The following ZNHIT6 variants were observed in gnomAD, a reference collection of about 807,000 sequenced individuals.
The protein encoded by ZNHIT6 is box C/D snoRNA protein 1.
A neutral mutation model predicts 57.2 loss-of-function variants in ZNHIT6; 45 were observed. The observed-to-expected ratio is 0.79, with a 90% CI of 0.62 to 1.01. ZNHIT6 has a LOEUF of 1.01. Among genes scored for constraint, ZNHIT6 ranks in the 50% least tolerant of loss-of-function variants. The pLI is 0.00. For missense variants in ZNHIT6, 528 were observed against 567.3 expected (o/e 0.93, Z 0.70); for synonymous variants, 188 against 190.0 (o/e 0.99, Z 0.09).
At chr1:85,655,204 T>C (rs1026087428) in intron 9 of ZNHIT6, among the ~76,000 whole-genome samples, 1 of 152,224 alleles carries the variant, frequency 6.6e-6, no homozygotes, top group African/African-American at 2.4e-5. Flanking sequence ...GTCTCTGTAC[T>C]TCAGGTAAAC....
intron 8 of ZNHIT6, among the ~76,000 whole-genome samples, chr1:85,676,694 A>G (rs567468602): frequency 6.6e-6 from 1 of 152,360 alleles, no homozygotes; most frequent in East Asian, 1.9e-4. Context: ...GTCAGAACAC[A>G]CACATTTAAG....
intron 6 of ZNHIT6, among the ~76,000 whole-genome samples, chr1:85,679,413 A>G (rs1273573189): frequency 6.6e-6 from 1 of 152,164 alleles, no homozygotes; most frequent in Non-Finnish European, 1.5e-5. Flanking sequence ...ATGCAACTCC[A>G]AATAACAAAG....
intron 8 of ZNHIT6, among the ~76,000 whole-genome samples, chr1:85,662,283 A>G (rs1165062277): frequency 6.6e-6 from 1 of 152,104 alleles, no homozygotes; most frequent in Non-Finnish European, 1.5e-5. Flanking sequence ...ACCTGCTAAA[A>G]AATACCAAAA....
At chr1:85,679,746 A>C (rs944252076) in intron 6 of ZNHIT6, among the ~76,000 whole-genome samples, 4 of 151,786 alleles carry the variant, frequency 2.6e-5, no homozygotes, top group African/African-American at 9.7e-5. Flanking sequence ...CACTTCCCCC[A>C]GCTAATTTTT....
intron 8 of ZNHIT6, among the ~76,000 whole-genome samples, chr1:85,662,256 G>T (rs1661247068): frequency 6.6e-6 from 1 of 151,318 alleles, no homozygotes; most frequent in East Asian, 1.9e-4. Flanking sequence ...GACACTCCAT[G>T]GATCATCGCC....
rs532089240 is a variant in ZNHIT6, at chr1:85,691,526, T to C, written c.1020-10622A>G. Among the ~76,000 whole-genome samples, 439 of 152,334 alleles carry C rather than the reference T, an allele frequency of 2.9e-3. 2 individuals carry two copies. The highest frequency in any genetic ancestry group is 9.8e-3 in the African/African-American group (406 of 41,588). On this transcript the variant is annotated intron_variant, in intron 5 of 9. Coordinates refer to ENST00000370574, the MANE Select transcript of ZNHIT6 (RefSeq NM_017953.4). ...GCCAATTGAGATATCTCTGAGCTAA[T>C]GACTTTTGTGGGCACAGAAGCTTAA...
At chr1:85,657,786 A>G (rs1661101938) in intron 9 of ZNHIT6, 61 bp downstream of exon 9, 1 of 1,489,950 alleles carries the variant, frequency 6.7e-7, no homozygotes, top group Admixed American at 1.9e-5. Flanking sequence ...AAGGGTGGAC[A>G]TATTTTGCTT....
At chr1:85,684,130 C>T (rs1661958473) in intron 5 of ZNHIT6, among the ~76,000 whole-genome samples, 1 of 152,156 alleles carries the variant, frequency 6.6e-6, no homozygotes, top group Admixed American at 6.5e-5. Context: ...TATCAACGTT[C>T]TCAAAAATGG....
At chr1:85,677,052 A>G (rs542810351) in intron 8 of ZNHIT6, among the ~76,000 whole-genome samples, 184 bp downstream of exon 8, 1 of 152,332 alleles carries the variant, frequency 6.6e-6, no homozygotes, top group East Asian at 1.9e-4. Context: ...TATTCTAACC[A>G]GGGTGATTTT....
At chr1:85,656,955 T>C (rs1661076734) in intron 9 of ZNHIT6, among the ~76,000 whole-genome samples, 1 of 152,178 alleles carries the variant, frequency 6.6e-6, no homozygotes, top group Admixed American at 6.5e-5. Context: ...TTTCAAATAC[T>C]ACTTAAAAAA....
At chr1:85,698,097 G>A (rs2100712789) in intron 5 of ZNHIT6, among the ~76,000 whole-genome samples, 1 of 152,054 alleles carries the variant, frequency 6.6e-6, no homozygotes, top group East Asian at 1.9e-4. Flanking sequence ...ACCTTGCTTG[G>A]GCTCAACTTA....
intron 8 of ZNHIT6, among the ~76,000 whole-genome samples, chr1:85,660,739 T>C (rs1002502008): frequency 6.6e-5 from 10 of 152,118 alleles, no homozygotes; most frequent in African/African-American, 2.4e-4. Flanking sequence ...ACTGTAATGA[T>C]TATACTTAAA....
intron 4 of ZNHIT6, among the ~76,000 whole-genome samples, chr1:85,702,998 A>G (rs1662579952): frequency 6.6e-6 from 1 of 152,236 alleles, no homozygotes; most frequent in African/African-American, 2.4e-5. Flanking sequence ...CAATGTAAAC[A>G]GTCAGAATCA....
chr1:85,660,193 A>T (rs182592015), intron 8 of ZNHIT6, among the ~76,000 whole-genome samples: 105 of 152,340 alleles, frequency 6.9e-4, no homozygotes, highest in Non-Finnish European at 1.2e-3. Context: ...TACAAAGTAA[A>T]ATATAAAATG....
Position 85,708,011 on chromosome 1 carries a change from A to G in ZNHIT6, c.274T>C (p.Leu92=). The G allele has an allele frequency of 6.2e-7, 1 of 1,613,974 alleles. No individual in the cohort carries two copies. Among genetic ancestry groups the G allele is most frequent in the Non-Finnish European group, 8.5e-7 (1 of 1,179,994 alleles). Residue 92 remains leucine (L), a synonymous_variant, in exon 1 of 10, where the codon TTG becomes CTG. Transcript: ENST00000370574. ...TCCTGTTCTACCCACTGGCCAGCCA[A>G]CCTGCCTTCTGTACCTGGCCAGTCT... is the stretch of plus-strand genomic sequence containing the variant. ...IIDWPGTEGR[L]AGQWVEQEVE...
chr1:85,658,332 G>A (rs1306986799), intron 8 of ZNHIT6, among the ~76,000 whole-genome samples: 3 of 152,044 alleles, frequency 2.0e-5, no homozygotes, highest in Non-Finnish European at 2.9e-5. Context: ...AGGCTCAAGC[G>A]ATTCTCCTGC....
chr1:85,666,623 T>A (rs1485787953), intron 8 of ZNHIT6, among the ~76,000 whole-genome samples: 8 of 152,154 alleles, frequency 5.3e-5, no homozygotes, highest in Non-Finnish European at 1.2e-4. Flanking sequence ...CTCACCGAAC[T>A]GTGCCAACTA....
rs1570305308 is a variant in ZNHIT6 at position 85,677,085 on chromosome 1, T to A, written c.1247+151A>T. The A allele has an allele frequency of 3.6e-5, 20 of 559,620 alleles. No homozygotes were observed. In the South Asian group the frequency reaches 5.0e-4, roughly 14 times the overall value. 34.7% of individuals were successfully genotyped at this position (559,620 alleles called of 1,614,324 possible). A position where few individuals can be genotyped will look rare whatever the true frequency, so the allele number is the denominator to read the frequency against. ...TTTTCAACCCAATTTATCCTATAAG[T>A]CTGATTATTTTGAATTTGACTTGAA... On this transcript the variant is annotated intron_variant, in intron 8 of 9. Transcript: ENST00000370574.
At chr1:85,654,282 T>C (rs1217262983) in intron 9 of ZNHIT6, among the ~76,000 whole-genome samples, 184 bp from the exon 10 acceptor site, 2 of 152,158 alleles carry the variant, frequency 1.3e-5, no homozygotes, top group Non-Finnish European at 2.9e-5. Flanking sequence ...AGAAATGATG[T>C]CTGAAAGTGG....
Sources: allele counts gnomAD v4.1 joint callset (sites outside exome capture counted in the v4.1 genomes callset), GRCh38; gene constraint gnomAD v4.1.1; transcripts MANE v1.5; gene names NCBI Gene and HGNC (gene_info 2026-07-23, HGNC 2026-07-21).